The following EPB41L4A variants were observed in gnomAD, a reference collection of about 807,000 sequenced individuals.
EPB41L4A encodes the protein erythrocyte membrane protein band 4.1 like 4A.
EPB41L4A carries 100 observed loss-of-function variants against 108.6 expected under a neutral mutation model. The ratio of observed to expected loss-of-function variants is 0.92; its 90% CI spans 0.78 to 1.09. The LOEUF is 1.09. Among genes scored for constraint, EPB41L4A ranks in the 50% least tolerant of loss-of-function variants. The pLI, the probability that EPB41L4A is intolerant of heterozygous loss-of-function variation, is 0.00. For missense variants in EPB41L4A, 1,030 were observed against 842.7 expected (o/e 1.22, Z -2.75); for synonymous variants, 319 against 289.0 (o/e 1.10, Z -1.05).
At chr5:112,171,543 C>G (rs895611175) in intron 18 of EPB41L4A, among the ~76,000 whole-genome samples, 2 of 152,216 alleles carry the variant, frequency 1.3e-5, no homozygotes, top group Non-Finnish European at 2.9e-5. Context: ...TATCAGTGGC[C>G]TTGGCTCATG....
chr5:112,418,901 C>G, intron 1 of EPB41L4A, 40 bp downstream of exon 1: 1 of 1,548,956 alleles, frequency 6.5e-7, no homozygotes. Context: ...CGCACCCGCC[C>G]TGCCGCCAAC....
chr5:112,260,726 G>T (rs1013775818), intron 7 of EPB41L4A, among the ~76,000 whole-genome samples: 2 of 152,136 alleles, frequency 1.3e-5, no homozygotes, highest in African/African-American at 4.8e-5. Context: ...ATCTTAAAAT[G>T]AAAAAGTCAT....
At chr5:112,212,735 C>T (rs1322832736) in intron 12 of EPB41L4A, among the ~76,000 whole-genome samples, 1 of 152,048 alleles carries the variant, frequency 6.6e-6, no homozygotes, top group Non-Finnish European at 1.5e-5. Context: ...GGAGAGGGGG[C>T]CACAGCAGAG....
intron 1 of EPB41L4A, among the ~76,000 whole-genome samples, chr5:112,399,811 G>A (rs1324464802): frequency 1.3e-5 from 2 of 152,172 alleles, no homozygotes; most frequent in Non-Finnish European, 2.9e-5. Flanking sequence ...TCTGGGCTCA[G>A]CCAGCAGCCC....
chr5:112,368,621 C>T (rs931237799), intron 1 of EPB41L4A, among the ~76,000 whole-genome samples: 4 of 152,108 alleles, frequency 2.6e-5, no homozygotes, highest in African/African-American at 7.2e-5. Flanking sequence ...TTCTACTGCA[C>T]CTGCTCTCCC....
intron 18 of EPB41L4A, among the ~76,000 whole-genome samples, chr5:112,177,154 C>T (rs1422746416): frequency 1.3e-5 from 2 of 152,140 alleles, no homozygotes; most frequent in Non-Finnish European, 2.9e-5. Flanking sequence ...AAATCTGACA[C>T]AGGTCCTACT....
At chr5:112,173,430 T>C (rs1440582610) in intron 18 of EPB41L4A, 1 of 152,154 alleles carries the variant, frequency 6.6e-6, no homozygotes, top group Non-Finnish European at 1.5e-5. Context: ...TAACAGTGGA[T>C]ATGTCTGAGT....
chr5:112,328,221 A>G (rs1484707615), intron 1 of EPB41L4A, among the ~76,000 whole-genome samples: 1 of 152,150 alleles, frequency 6.6e-6, no homozygotes, highest in Admixed American at 6.5e-5. Context: ...AAGCAGGAGA[A>G]TCACTTGAAC....
intron 1 of EPB41L4A, among the ~76,000 whole-genome samples, chr5:112,389,454 G>A (rs139457736): frequency 6.6e-6 from 1 of 152,152 alleles, no homozygotes; most frequent in African/African-American, 2.4e-5. Flanking sequence ...AATCAGGAGA[G>A]ACAGAAAACG....
chr5:112,345,128 CA>C (rs1757555618), intron 1 of EPB41L4A, among the ~76,000 whole-genome samples: 1 of 152,124 alleles, frequency 6.6e-6, no homozygotes, highest in Non-Finnish European at 1.5e-5. Flanking sequence ...ACAGCCTGAC[CA>C]CAGGCTCCCT....
intron 9 of EPB41L4A, among the ~76,000 whole-genome samples, chr5:112,244,231 T>G (rs1467798395): frequency 6.6e-6 from 1 of 152,200 alleles, no homozygotes; most frequent in Non-Finnish European, 1.5e-5. Flanking sequence ...ATGGCCAGTC[T>G]GTGGAGCAGT....
intron 1 of EPB41L4A, among the ~76,000 whole-genome samples, chr5:112,313,698 T>G (rs575879839): frequency 6.6e-6 from 1 of 152,070 alleles, no homozygotes; most frequent in East Asian, 1.9e-4. Flanking sequence ...CATTACCTTT[T>G]TTTGCTGTGG....
At chr5:112,309,067 T>C (rs1754880882) in intron 1 of EPB41L4A, among the ~76,000 whole-genome samples, 1 of 152,196 alleles carries the variant, frequency 6.6e-6, no homozygotes, top group Non-Finnish European at 1.5e-5. Context: ...ACTTGTAGAA[T>C]TTTACTTATA....
At chr5:112,158,490 C>T (rs1176465062), downstream of EPB41L4A, 2 of 343,648 alleles carry the variant, frequency 5.8e-6, no homozygotes, top group Non-Finnish European at 1.2e-5. Context: ...CCTATATATG[C>T]TGGCTGCCCC....
intron 1 of EPB41L4A, among the ~76,000 whole-genome samples, chr5:112,364,314 C>T (rs1390871912): frequency 6.6e-6 from 1 of 152,218 alleles, no homozygotes; most frequent in African/African-American, 2.4e-5. Context: ...ACGTGAACCA[C>T]CACACCCAGC....
intron 17 of EPB41L4A, among the ~76,000 whole-genome samples, chr5:112,193,185 G>A (rs17134220): frequency 0.033 from 4,986 of 152,306 alleles, 314 homozygotes; most frequent in African/African-American, 0.11. Context: ...TATTACACAG[G>A]CTTTGTAGTT....
At chr5:112,189,573 C>T (rs924553985) in intron 17 of EPB41L4A, among the ~76,000 whole-genome samples, 1 of 152,120 alleles carries the variant, frequency 6.6e-6, no homozygotes, top group Admixed American at 6.5e-5. Context: ...TTCAAATAGT[C>T]CCCTGTTGTC....
At chr5:112,239,312 T>G (rs937625618) in intron 11 of EPB41L4A, among the ~76,000 whole-genome samples, 5 of 152,240 alleles carry the variant, frequency 3.3e-5, no homozygotes, top group Non-Finnish European at 4.4e-5. Context: ...ATCAACTGAA[T>G]GTCTTAAAAA....
intron 1 of EPB41L4A, among the ~76,000 whole-genome samples, chr5:112,326,640 C>T (rs528620734): frequency 2.0e-4 from 31 of 152,304 alleles, no homozygotes; most frequent in African/African-American, 7.2e-4. Flanking sequence ...TTGCTTACTT[C>T]GGCACTCCTA....
Sources: allele counts gnomAD v4.1 joint callset (sites outside exome capture counted in the v4.1 genomes callset), GRCh38; gene constraint gnomAD v4.1.1; transcripts MANE v1.5; gene names NCBI Gene and HGNC (gene_info 2026-07-23, HGNC 2026-07-21).